MCTP1: variants seen among roughly 807,000 people sequenced by gnomAD.
The protein encoded by MCTP1 is multiple C2 and transmembrane domain containing 1, also known as multiple C2 and transmembrane domain-containing protein 1.
Under a neutral mutation model 120.6 loss-of-function variants are expected in MCTP1, and 69 were observed. That is an observed-to-expected ratio of 0.57 (90% confidence interval 0.47 to 0.70). MCTP1 has a LOEUF of 0.70. MCTP1 is among the 30% of genes least tolerant of loss of function. MCTP1 has a pLI of 0.00. For synonymous variants in MCTP1, 529 were observed against 493.1 expected, an observed-to-expected ratio of 1.07 and a Z score of -0.96; for missense variants, 1,203 against 1,248.8, an observed-to-expected ratio of 0.96 and a Z score of 0.55.
chr5:95,277,734 T>C (rs1358715670), intron 1 of MCTP1, among the ~76,000 whole-genome samples: 1 of 152,130 alleles, frequency 6.6e-6, no homozygotes, highest in East Asian at 1.9e-4. Context: ...CCAGTGGGAT[T>C]AGGAGGATAC....
chr5:94,884,355 T>C (rs1213282775), intron 12 of MCTP1, among the ~76,000 whole-genome samples: 1 of 152,166 alleles, frequency 6.6e-6, no homozygotes, highest in Admixed American at 6.5e-5. Context: ...GAGCTCTTTA[T>C]TAAAAGCACT....
chr5:95,090,188 C>T (rs1755735491), intron 1 of MCTP1, among the ~76,000 whole-genome samples: 1 of 152,162 alleles, frequency 6.6e-6, no homozygotes, highest in African/African-American at 2.4e-5. Context: ...CAGTTACCTA[C>T]TGTGTTTGTT....
rs1343838839 is a variant in MCTP1, at chr5:94,870,446, T to C, written c.2287A>G (p.Ile763Val). ...TTAGAGAGTCTGTTTTCCTCTTCAATGTACTTCTGTTCTTTGGGTATTAAT... is the reference window on the plus strand; with the variant it reads ...TTAGAGAGTCTGTTTTCCTCTTCAACGTACTTCTGTTCTTTGGGTATTAAT... ...RTLIPKEQKY[I>V]EEENRLSKQL... The change falls in exon 16 of 23, where the codon ATT becomes GTT. Residue 763 changes from isoleucine to valine, a missense_variant. Transcript: ENST00000515393. 6.2e-7 allele frequency: 1 copy of C among 1,612,374 alleles called. No homozygotes were observed. The highest frequency in any genetic ancestry group is 8.5e-7 in the Non-Finnish European group (1 of 1,178,628).
At chr5:94,778,462 C>G (rs557563079) in intron 19 of MCTP1, among the ~76,000 whole-genome samples, 15 of 152,176 alleles carry the variant, frequency 9.9e-5, no homozygotes, top group African/African-American at 3.6e-4. Context: ...CTCCAGTTGT[C>G]CCCCCTCCCT....
intron 1 of MCTP1, among the ~76,000 whole-genome samples, chr5:95,041,311 G>GAAA (rs58379749): frequency 4.5e-5 from 4 of 89,812 alleles, no homozygotes; most frequent in African/African-American, 8.2e-5. Flanking sequence ...CCCATGCTCT[G>GAAA]AAAAAAAAAA....
chr5:94,758,047 A>G (rs1770361736), intron 19 of MCTP1, among the ~76,000 whole-genome samples: 2 of 152,144 alleles, frequency 1.3e-5, no homozygotes, highest in African/African-American at 4.8e-5. Flanking sequence ...AAAAAATGAG[A>G]TCCAACAAAA....
intron 1 of MCTP1, among the ~76,000 whole-genome samples, chr5:95,232,457 AT>A (rs535038549): frequency 0.13 from 18,214 of 137,752 alleles, 640 homozygotes; most frequent in Middle Eastern, 0.18. Context: ...ATGAAATTTA[AT>A]TTTTTTTTTT....
At chr5:95,079,672 T>C (rs1295895634) in intron 1 of MCTP1, among the ~76,000 whole-genome samples, 1 of 152,048 alleles carries the variant, frequency 6.6e-6, no homozygotes, top group East Asian at 1.9e-4. Context: ...CTTGAAACTA[T>C]ACATTGCAGC....
At chr5:94,720,130 A>T (rs571688280) in intron 19 of MCTP1, among the ~76,000 whole-genome samples, 345 of 152,132 alleles carry the variant, frequency 2.3e-3, no homozygotes, top group African/African-American at 8.0e-3. Context: ...CCTCTCAAAA[A>T]AAATAAATAA....
chr5:94,932,408 A>G (rs1299778614), intron 5 of MCTP1, among the ~76,000 whole-genome samples: 1 of 151,950 alleles, frequency 6.6e-6, no homozygotes, highest in African/African-American at 2.4e-5. Flanking sequence ...GGCATCGTAG[A>G]ATTGTCTCTG....
chr5:95,202,036 C>T (rs913515403), intron 1 of MCTP1, among the ~76,000 whole-genome samples: 7 of 152,078 alleles, frequency 4.6e-5, no homozygotes, highest in African/African-American at 1.7e-4. Flanking sequence ...ACTGGTGAAG[C>T]ATTGTTTCTA....
chr5:95,104,723 T>A (rs1756969785), intron 1 of MCTP1, among the ~76,000 whole-genome samples: 2 of 152,212 alleles, frequency 1.3e-5, no homozygotes, highest in Non-Finnish European at 2.9e-5. Context: ...GAACATATAT[T>A]AATATATACT....
chr5:94,867,399 G>T (rs1461297859), intron 17 of MCTP1: 3 of 1,383,838 alleles, frequency 2.2e-6, no homozygotes, highest in East Asian at 2.5e-5. Flanking sequence ...GGAAGACAGA[G>T]CTCAAAGTAC....
intron 1 of MCTP1, among the ~76,000 whole-genome samples, chr5:95,092,609 A>G (rs1215493671): frequency 2.6e-5 from 4 of 152,232 alleles, no homozygotes; most frequent in Non-Finnish European, 5.9e-5. Context: ...CACATTGTAT[A>G]GATGTATCAA....
At chr5:94,795,804 T>A (rs1482331666) in intron 18 of MCTP1, among the ~76,000 whole-genome samples, 1 of 152,242 alleles carries the variant, frequency 6.6e-6, no homozygotes, top group Admixed American at 6.5e-5. Context: ...ATGGGCACCC[T>A]CTGAGTCTAC....
At position 94,931,995 on chromosome 5, in the gene MCTP1, T is replaced by C. The variant is rs1349706856; in HGVS notation, c.1174-4A>G. On this transcript the variant is annotated splice_polypyrimidine_tract_variant and splice_region_variant and intron_variant, in intron 5 of 22. Transcript: ENST00000515393. ...AACTCTTCCTCATTAGCATTGTCTG[T>C]AAATAAAATAAAGCATTTTCATTAT... 4 of 1,584,684 alleles carry C rather than the reference T, an allele frequency of 2.5e-6. No homozygotes were observed. The African/African-American group carries it at 5.4e-5, about 21-fold the overall frequency.
At chr5:95,265,907 A>G (rs1033301919) in intron 1 of MCTP1, among the ~76,000 whole-genome samples, 1 of 152,210 alleles carries the variant, frequency 6.6e-6, no homozygotes, top group Non-Finnish European at 1.5e-5. Flanking sequence ...AGCTTCTATT[A>G]GATATCTCAG....
At chr5:95,054,133 T>C (rs1250890606) in intron 1 of MCTP1, among the ~76,000 whole-genome samples, 2 of 152,218 alleles carry the variant, frequency 1.3e-5, no homozygotes, top group Non-Finnish European at 2.9e-5. Context: ...TGAAGTGATC[T>C]TATTCTGCTC....
chr5:94,888,878 C>G lies in MCTP1; in HGVS notation c.1933+1G>C. On this transcript the variant is annotated splice_donor_variant, in intron 12 of 22. Transcript: ENST00000515393. LOFTEE classifies it high-confidence loss of function. ...AATAGGAGAATTGCATCATCTCTTA[C>G]CAGTGACGTCGGCAGCCATTAACCC... 6.3e-7 allele frequency: 1 copy of G among 1,597,062 alleles called. No homozygotes were observed. Among genetic ancestry groups the G allele is most frequent in the Non-Finnish European group, 8.6e-7 (1 of 1,164,626 alleles).
Sources: gnomAD v4.1 joint callset for allele counts (sites outside exome capture counted in the v4.1 genomes callset) on GRCh38, gnomAD v4.1.1 for gene constraint, MANE v1.5 for transcripts, NCBI Gene and HGNC (gene_info 2026-07-23, HGNC 2026-07-21) for gene names.